Variants in FRMD4A observed in about 807,000 individuals in gnomAD.
FRMD4A encodes FERM domain containing 4A.
A neutral mutation model predicts 129.1 loss-of-function variants in FRMD4A; 29 were observed. The ratio of observed to expected loss-of-function variants is 0.22; its 90% CI spans 0.17 to 0.31. The LOEUF is 0.31. Among genes scored for constraint, FRMD4A ranks in the 10% least tolerant of loss-of-function variants. The pLI is 1.00. For missense variants in FRMD4A, 1,272 were observed against 1,375.8 expected (o/e 0.92, Z 1.19); for synonymous variants, 634 against 571.6 (o/e 1.11, Z -1.56).
intron 2 of FRMD4A, among the ~76,000 whole-genome samples, chr10:14,162,587 C>G (rs1840948758): frequency 6.6e-6 from 1 of 151,468 alleles, no homozygotes; most frequent in Non-Finnish European, 1.5e-5. Flanking sequence ...TCCTGTACCC[C>G]ACTCTCATCC....
At chr10:13,977,519 G>A (rs1599414) in intron 2 of FRMD4A, among the ~76,000 whole-genome samples, 52,989 of 152,002 alleles carry the variant, frequency 0.35, 9,638 homozygotes, top group East Asian at 0.6. Flanking sequence ...TTGATATACC[G>A]TATACTTCAG....
At chr10:14,239,117 A>G (rs1476710434) in intron 2 of FRMD4A, among the ~76,000 whole-genome samples, 1 of 152,198 alleles carries the variant, frequency 6.6e-6, no homozygotes, top group African/African-American at 2.4e-5. Context: ...TGGCACATTC[A>G]TAGAAAAACA....
chr10:14,036,701 G>A (rs1833516633), intron 2 of FRMD4A, among the ~76,000 whole-genome samples: 1 of 152,142 alleles, frequency 6.6e-6, no homozygotes, highest in Non-Finnish European at 1.5e-5. Context: ...ACCTCCCTCA[G>A]CCTCCCGAGT....
intron 2 of FRMD4A, chr10:13,972,174 G>T: frequency 9.7e-7 from 1 of 1,030,710 alleles, no homozygotes; most frequent in Non-Finnish European, 1.2e-6. Flanking sequence ...ACTTAGGGAA[G>T]ACCTCAGACC....
intron 2 of FRMD4A, among the ~76,000 whole-genome samples, chr10:14,219,003 T>C (rs2131968225): frequency 7.3e-6 from 1 of 137,526 alleles, no homozygotes; most frequent in South Asian, 2.4e-4. Flanking sequence ...AAAGATGTGT[T>C]TTAGCTATAC....
chr10:14,045,788 TATATG>T lies in FRMD4A; in HGVS notation c.46-186881_46-186877del, dbSNP rs1459679348. Among the ~76,000 whole-genome samples the T allele has an allele frequency of 2.1e-5, 3 of 145,714 alleles. No individual in the cohort carries two copies. In the East Asian group the frequency reaches 5.9e-4, roughly 28 times the overall value. Reference sequence around the variant, plus strand: ...ATAATATATATCTATAATCATATTATATATGATATAATTATATAGAATAGATATGT... The same window carrying T: ...ATAATATATATCTATAATCATATTATATATAATTATATAGAATAGATATGT... On this transcript the variant is annotated intron_variant, in intron 2 of 24. Coordinates refer to ENST00000357447, the MANE Select transcript of FRMD4A (RefSeq NM_018027.5).
At chr10:13,685,528 A>G in intron 15 of FRMD4A, 1 of 985,372 alleles carries the variant, frequency 1.0e-6, no homozygotes, top group Non-Finnish European at 1.2e-6. Flanking sequence ...AGGCTATTGC[A>G]ATACCAACGT....
intron 15 of FRMD4A, chr10:13,684,749 G>A (rs546174516): frequency 2.0e-6 from 2 of 984,856 alleles, no homozygotes; most frequent in African/African-American, 3.5e-5. Context: ...AGACAGAGAA[G>A]GGGTGCTTTC....
intron 2 of FRMD4A, among the ~76,000 whole-genome samples, chr10:14,315,336 G>C (rs1233617645): frequency 6.6e-6 from 1 of 151,998 alleles, no homozygotes; most frequent in Admixed American, 6.5e-5. Context: ...TGAAATGAAT[G>C]TGTCCAAAAA....
chr10:13,717,721 C>CGG lies in FRMD4A; in HGVS notation c.760-10610_760-10609dup, dbSNP rs142901092. ...TTTTTTTTTTTTTTTCCAGGGGTGG[C>CGG]GGGGGGGGTTGGCAGTTGGCATTTC... On this transcript the variant is annotated intron_variant, in intron 12 of 24. Coordinates refer to ENST00000357447, the MANE Select transcript of FRMD4A (RefSeq NM_018027.5). Among the ~76,000 whole-genome samples the CGG allele has an allele frequency of 5.7e-3, 526 of 92,056 alleles. 14 individuals carry two copies. The highest frequency in any genetic ancestry group is 0.022 in the African/African-American group (477 of 21,872). 60.4% of individuals were successfully genotyped at this position (92,056 alleles called of 152,430 possible).
intron 2 of FRMD4A, among the ~76,000 whole-genome samples, chr10:13,996,157 G>T (rs1313150659): frequency 6.6e-6 from 1 of 152,178 alleles, no homozygotes; most frequent in South Asian, 2.1e-4. Context: ...CTTTTATAAG[G>T]GCACTAACTG....
intron 2 of FRMD4A, among the ~76,000 whole-genome samples, chr10:13,865,982 T>A (rs188875257): frequency 4.5e-4 from 69 of 152,270 alleles, no homozygotes; most frequent in African/African-American, 1.6e-3. Context: ...AACATTTTTT[T>A]AGTCTAGTTA....
intron 3 of FRMD4A, among the ~76,000 whole-genome samples, chr10:13,819,352 T>G (rs2093594889): frequency 6.6e-6 from 1 of 152,064 alleles, no homozygotes; most frequent in Non-Finnish European, 1.5e-5. Context: ...GTACATTCCA[T>G]TCTCCCCCTC....
chr10:14,072,490 A>C (rs988687832), intron 2 of FRMD4A, among the ~76,000 whole-genome samples: 1 of 152,238 alleles, frequency 6.6e-6, no homozygotes, highest in Non-Finnish European at 1.5e-5. Context: ...GTTGGAGTCA[A>C]CTTGTCTTCT....
intron 2 of FRMD4A, among the ~76,000 whole-genome samples, chr10:14,198,685 T>C (rs916417565): frequency 2.0e-5 from 3 of 152,222 alleles, no homozygotes; most frequent in Admixed American, 6.5e-5. Context: ...TGGGATCTCA[T>C]TGACATCACA....
At chr10:13,851,079 T>C (rs942944944) in intron 3 of FRMD4A, among the ~76,000 whole-genome samples, 1 of 152,198 alleles carries the variant, frequency 6.6e-6, no homozygotes, top group African/African-American at 2.4e-5. Context: ...CCGGGCATGA[T>C]GGCGGGTGCC....
intron 2 of FRMD4A, among the ~76,000 whole-genome samples, chr10:14,065,423 G>A (rs969963982): frequency 6.6e-6 from 1 of 152,050 alleles, no homozygotes; most frequent in Admixed American, 6.6e-5. Context: ...GAACTCAGGT[G>A]ATCTGCCTTG....
chr10:13,651,578 C>T, intron 24 of FRMD4A: 1 of 266,324 alleles, frequency 3.8e-6, no homozygotes, highest in Non-Finnish European at 7.2e-6. Flanking sequence ...ACTAGGGAGC[C>T]AGGAGAATCG....
chr10:14,211,025 C>T (rs1376895615), intron 2 of FRMD4A, among the ~76,000 whole-genome samples: 1 of 152,068 alleles, frequency 6.6e-6, no homozygotes, highest in East Asian at 1.9e-4. Flanking sequence ...CCGTGCTCAG[C>T]CAGATATTCA....
Sources: gnomAD v4.1 joint callset for allele counts (sites outside exome capture counted in the v4.1 genomes callset) on GRCh38, gnomAD v4.1.1 for gene constraint, MANE v1.5 for transcripts, NCBI Gene and HGNC (gene_info 2026-07-23, HGNC 2026-07-21) for gene names.